The following XPA variants were observed in gnomAD, a reference collection of about 807,000 sequenced individuals.
XPA encodes the protein DNA repair protein complementing XP-A cells.
Under a neutral mutation model 35.7 loss-of-function variants are expected in XPA, and 27 were observed. The ratio of observed to expected loss-of-function variants is 0.76; its 90% CI spans 0.56 to 1.04. The LOEUF is 1.04. XPA is among the 50% of genes least tolerant of loss of function. The probability of loss-of-function intolerance (pLI) is 0.00; values close to 1 mark genes in which losing one functional copy is unlikely to be tolerated. For missense variants in XPA, 354 were observed against 342.7 expected (o/e 1.03, Z -0.26); for synonymous variants, 133 against 118.4 (o/e 1.12, Z -0.80).
chr9:97,684,836 G>A (rs577595849), intron 5 of XPA, 87 bp downstream of exon 5: 1 of 1,134,218 alleles, frequency 8.8e-7, no homozygotes, highest in Admixed American at 1.7e-5. Flanking sequence ...CAATCTATTG[G>A]TGACATTAAA....
At chr9:97,659,969 G>GC in the XPA span, among the ~76,000 whole-genome samples, 1 of 152,086 alleles carries the variant, frequency 6.6e-6, no homozygotes, top group African/African-American at 2.4e-5. Flanking sequence ...AGTCTGGAAA[G>GC]CCCTTTCTAG....
chr9:97,656,276 A>T, the XPA span, among the ~76,000 whole-genome samples: 1 of 152,222 alleles, frequency 6.6e-6, no homozygotes, highest in Non-Finnish European at 1.5e-5. Flanking sequence ...ATTTAAGCCA[A>T]TAAGTTCTTT....
At chr9:97,655,045 G>GT in the XPA span, 31,135 of 1,053,930 alleles carry the variant, frequency 0.03, 4,508 homozygotes, top group African/African-American at 0.36. Context: ...TCCATGTTTA[G>GT]TTTTTTTCTT....
chr9:97,696,407 T>C (rs1233879525), intron 1 of XPA, among the ~76,000 whole-genome samples: 5 of 152,228 alleles, frequency 3.3e-5, no homozygotes, highest in African/African-American at 1.2e-4. Context: ...TTAATTTACT[T>C]CAATCAATAA....
intron 1 of XPA, among the ~76,000 whole-genome samples, chr9:97,694,632 GAAC>G (rs1264656796): frequency 6.6e-6 from 1 of 152,162 alleles, no homozygotes; most frequent in Non-Finnish European, 1.5e-5. Context: ...TGAGGATGTG[GAAC>G]AACCAGAACT....
At chr9:97,657,632 A>C in the XPA span, among the ~76,000 whole-genome samples, 1 of 152,076 alleles carries the variant, frequency 6.6e-6, no homozygotes, top group Non-Finnish European at 1.5e-5. Flanking sequence ...TCTTCATCAG[A>C]TCTCCATCCT....
In XPA at chr9:97,687,191, C is replaced by T; in HGVS notation, c.460G>A (p.Asp154Asn). The T allele has an allele frequency of 6.2e-7, 1 of 1,611,620 alleles. No individual in the cohort carries two copies. Among genetic ancestry groups the T allele is most frequent in the Non-Finnish European group, 8.5e-7 (1 of 1,179,278 alleles). The change falls in exon 4 of 6, where the codon GAT becomes AAT. Residue 154 changes from aspartate to asparagine, a missense_variant. Physicochemically the swap from Asp to Asn is conservative, Grantham distance 23 (BLOSUM62 1). Coordinates refer to ENST00000375128, the MANE Select transcript of XPA (RefSeq NM_000380.4). Reference sequence around the variant, plus strand: ...AGAGGTGGCTCTCTTTTTTCTAAATCACAGTCTTTCAGAAGATATTCTTGT... The same window carrying T: ...AGAGGTGGCTCTCTTTTTTCTAAATTACAGTCTTTCAGAAGATATTCTTGT... The part of the protein sequence containing the change: ...AKQEYLLKDC[D>N]LEKREPPLKF...
intron 5 of XPA, among the ~76,000 whole-genome samples, chr9:97,684,588 G>GT (rs1297452825): frequency 2.0e-5 from 3 of 152,286 alleles, no homozygotes; most frequent in Middle Eastern, 3.4e-3. Flanking sequence ...TGGTAGGTGT[G>GT]TTTTTTATAA....
chr9:97,666,720 C>A, the XPA span: 2 of 1,282,324 alleles, frequency 1.6e-6, no homozygotes, highest in South Asian at 1.4e-5. Context: ...TTTTCTGTAA[C>A]CATAGCTTGA....
chr9:97,660,152 CT>C, the XPA span, among the ~76,000 whole-genome samples: 2 of 151,998 alleles, frequency 1.3e-5, no homozygotes, highest in African/African-American at 4.8e-5. Context: ...TCTTCGCCTT[CT>C]TTTTTTTAGA....
chr9:97,691,894 T>A (rs201858432), intron 2 of XPA, among the ~76,000 whole-genome samples: 2 of 115,932 alleles, frequency 1.7e-5, no homozygotes, highest in African/African-American at 6.2e-5. Flanking sequence ...TAAATATATA[T>A]ATATATATAT....
intron 4 of XPA, among the ~76,000 whole-genome samples, chr9:97,685,931 G>A (rs1452387128): frequency 3.9e-5 from 6 of 152,150 alleles, no homozygotes; most frequent in Non-Finnish European, 7.3e-5. Flanking sequence ...TGCAAAAGTC[G>A]TGATATATGA....
At chr9:97,669,267 T>G in the XPA span, among the ~76,000 whole-genome samples, 1 of 152,222 alleles carries the variant, frequency 6.6e-6, no homozygotes, top group Non-Finnish European at 1.5e-5. Context: ...TCATTGCTGA[T>G]CATTTTCCTT....
rs1298722703 is a variant in XPA at position 97,674,979 on chromosome 9, C to T, written c.*460G>A. ...TCCAGCAGTAGTTCCCCACTGTTTC[C>T]ACCATCGTGGAGACAGAAATCGTCC... On this transcript the variant is annotated 3_prime_UTR_variant, in exon 6 of 6. Transcript: ENST00000375128. The T allele has an allele frequency of 1.9e-6, 1 of 523,956 alleles. No individual in the cohort carries two copies. Among genetic ancestry groups the T allele is most frequent in the Non-Finnish European group, 3.7e-6 (1 of 269,890 alleles). The allele number at this position is 523,956 out of a possible 1,614,324, so 32.5% of individuals were successfully genotyped here.
chr9:97,670,877 A>C (rs1828169635), downstream of XPA, among the ~76,000 whole-genome samples: 1 of 152,170 alleles, frequency 6.6e-6, no homozygotes, highest in Admixed American at 6.5e-5. Flanking sequence ...GGATTTTTTA[A>C]AAAGCTATTG....
chr9:97,660,850 G>A, the XPA span: 2 of 1,406,146 alleles, frequency 1.4e-6, no homozygotes, highest in South Asian at 1.5e-5. Flanking sequence ...TTGAAAGGAA[G>A]AATTTAAAAA....
Position 97,691,833 on chromosome 9 carries a change from A to C in XPA, c.283+1816T>G, listed in dbSNP as rs375170229. On this transcript the variant is annotated intron_variant, in intron 2 of 5. Transcript: ENST00000375128. ...AGGAGGTGGAGGTTGCAGTAAGCCA[A>C]GATCATGCCACTGCACTCCAGGCTG... 1.6e-3 allele frequency among the ~76,000 whole-genome samples: 235 copies of C among 150,680 alleles called. 1 individual carries two copies. The highest frequency in any genetic ancestry group is 5.5e-3 in the African/African-American group (227 of 41,274).
the XPA span, chr9:97,666,691 C>G: frequency 9.7e-7 from 1 of 1,027,886 alleles, no homozygotes; most frequent in East Asian, 2.6e-5. Flanking sequence ...AATGAAATTA[C>G]AAAAGTTGAA....
chr9:97,668,176 T>C, the XPA span, among the ~76,000 whole-genome samples: 1 of 152,248 alleles, frequency 6.6e-6, no homozygotes, highest in African/African-American at 2.4e-5. Context: ...TAGAGCCACG[T>C]TCTGGCTCTG....
Sources: allele counts gnomAD v4.1 joint callset (sites outside exome capture counted in the v4.1 genomes callset), GRCh38; gene constraint gnomAD v4.1.1; transcripts MANE v1.5; gene names NCBI Gene and HGNC (gene_info 2026-07-23, HGNC 2026-07-21).